The following DPP10 variants were observed in gnomAD, a reference collection of about 807,000 sequenced individuals.
The protein encoded by DPP10 is dipeptidyl peptidase like 10, also known as inactive dipeptidyl peptidase 10.
In DPP10, 33 loss-of-function variants were observed where a neutral mutation model predicts 120.9. The observed-to-expected ratio is 0.27, with a 90% CI of 0.21 to 0.37. The LOEUF is 0.37. Ranked by LOEUF, DPP10 falls within the 10% of genes least tolerant of loss-of-function variation. The probability of loss-of-function intolerance (pLI) is 1.00; values close to 1 mark genes in which losing one functional copy is unlikely to be tolerated. For missense variants in DPP10, 816 were observed against 942.8 expected (o/e 0.87, Z 1.76); for synonymous variants, 337 against 326.1 (o/e 1.03, Z -0.36).
At chr2:114,865,099 G>C (rs1029908297) in intron 1 of DPP10, among the ~76,000 whole-genome samples, 1 of 152,184 alleles carries the variant, frequency 6.6e-6, no homozygotes, top group Non-Finnish European at 1.5e-5. Flanking sequence ...GGGACATCTG[G>C]TACTATGGAA....
intron 1 of DPP10, among the ~76,000 whole-genome samples, chr2:114,714,262 C>T (rs1051891433): frequency 5.9e-5 from 9 of 151,776 alleles, no homozygotes; most frequent in African/African-American, 2.2e-4. Flanking sequence ...ATAGTGGCAG[C>T]CAAAGTTTTT....
chr2:115,343,769 A>G (rs763438300), intron 2 of DPP10, 48 bp from the exon 3 acceptor site: 2 of 1,381,496 alleles, frequency 1.4e-6, no homozygotes, highest in Non-Finnish European at 2.0e-6. Context: ...CTCCTTTTAA[A>G]AAACAAGCAT....
intron 9 of DPP10, among the ~76,000 whole-genome samples, chr2:115,743,752 A>G (rs902814875): frequency 6.7e-6 from 1 of 148,368 alleles, no homozygotes; most frequent in Non-Finnish European, 1.5e-5. Flanking sequence ...TTGACAAAAT[A>G]AGACAAATAA....
chr2:114,575,314 G>C lies in DPP10; in HGVS notation c.60+132476G>C, dbSNP rs1558896481. ...ATGTTCCCTCTATGTTGAGATGTGGGTGGCTCAGTCTCTGGGGATTATATT... is the reference window on the plus strand; with the variant it reads ...ATGTTCCCTCTATGTTGAGATGTGGCTGGCTCAGTCTCTGGGGATTATATT... On this transcript the variant is annotated intron_variant, in intron 1 of 25. Transcript: ENST00000410059. Among the ~76,000 whole-genome samples the C allele has an allele frequency of 3.3e-5, 5 of 152,230 alleles. No individual in the cohort carries two copies. In the South Asian group the frequency reaches 1.0e-3, roughly 32 times the overall value.
At chr2:115,063,752 A>G (rs897733341) in intron 1 of DPP10, among the ~76,000 whole-genome samples, 1 of 152,320 alleles carries the variant, frequency 6.6e-6, no homozygotes, top group South Asian at 2.1e-4. Flanking sequence ...CTTACACCTT[A>G]TACAAAAATT....
intron 3 of DPP10, among the ~76,000 whole-genome samples, chr2:115,387,581 A>T (rs537424146): frequency 4.5e-4 from 68 of 152,302 alleles, no homozygotes; most frequent in Admixed American, 1.6e-3. Flanking sequence ...TAAAGAAAGT[A>T]AAGATCCCAG....
chr2:114,842,160 G>A (rs1467156984), intron 1 of DPP10, among the ~76,000 whole-genome samples: 2 of 152,082 alleles, frequency 1.3e-5, no homozygotes, highest in Non-Finnish European at 2.9e-5. Flanking sequence ...CTGAGTTTCA[G>A]GGATCTTTCT....
At chr2:115,701,834 TG>T (rs1407615847) in intron 7 of DPP10, among the ~76,000 whole-genome samples, 2 of 151,998 alleles carry the variant, frequency 1.3e-5, no homozygotes, top group Non-Finnish European at 2.9e-5. Flanking sequence ...AATATGTAAA[TG>T]GCCAATAAGT....
chr2:115,232,150 A>T (rs1211153154), intron 1 of DPP10, among the ~76,000 whole-genome samples: 1 of 151,934 alleles, frequency 6.6e-6, no homozygotes, highest in Non-Finnish European at 1.5e-5. Context: ...CACACTTTCC[A>T]CCTTGGCATC....
At chr2:115,468,507 C>T in intron 3 of DPP10, 1 of 437,028 alleles carries the variant, frequency 2.3e-6, no homozygotes, top group Non-Finnish European at 4.5e-6. Context: ...CACAGATTCT[C>T]CTCTGTGCTA....
intron 1 of DPP10, among the ~76,000 whole-genome samples, chr2:114,665,789 A>G (rs1334260322): frequency 6.6e-6 from 1 of 152,218 alleles, no homozygotes; most frequent in Non-Finnish European, 1.5e-5. Context: ...GGTGTGACCC[A>G]ACCACCTTCA....
At chr2:115,703,544 C>A (rs1043036272) in intron 7 of DPP10, among the ~76,000 whole-genome samples, 2 of 151,924 alleles carry the variant, frequency 1.3e-5, no homozygotes, top group African/African-American at 4.8e-5. Context: ...ATCTGTCGGG[C>A]AGGTTGGCAG....
At chr2:114,893,986 T>G (rs1268044058) in intron 1 of DPP10, among the ~76,000 whole-genome samples, 1 of 152,160 alleles carries the variant, frequency 6.6e-6, no homozygotes, top group Non-Finnish European at 1.5e-5. Context: ...TCATGGATAT[T>G]TTTCATTTTT....
In DPP10 at chr2:115,780,906, G is replaced by A; in HGVS notation, c.1394G>A (p.Cys465Tyr). 1 of 1,603,794 alleles carries A rather than the reference G, an allele frequency of 6.2e-7. No individual in the cohort carries two copies. Among genetic ancestry groups the A allele is most frequent in the Non-Finnish European group, 8.5e-7 (1 of 1,173,398 alleles). ...ACTGAAGGATTATTGAATCGCCAATGCATTTCATGTAATTTCATGAAAGAA... is the reference window on the plus strand; with the variant it reads ...ACTGAAGGATTATTGAATCGCCAATACATTTCATGTAATTTCATGAAAGAA... The part of the protein sequence containing the change: ...ASTEGLLNRQ[C>Y]ISCNFMKEQC... Residue 465 changes from cysteine to tyrosine, a missense_variant, in exon 16 of 26, where the codon TGC (cysteine) becomes TAC (tyrosine). Cys to Tyr is a radical substitution (Grantham distance 194). Around this residue, in one of 3 missense-constraint regions of DPP10, gnomAD observed 592 missense variants for 649.0 expected, o/e 0.91. Transcript: ENST00000410059.
At chr2:114,820,954 A>T (rs1471957134) in intron 1 of DPP10, among the ~76,000 whole-genome samples, 1 of 152,222 alleles carries the variant, frequency 6.6e-6, no homozygotes, top group African/African-American at 2.4e-5. Context: ...AGATAAAACA[A>T]CATGGATACA....
chr2:115,291,449 A>AC (rs1327402230), intron 1 of DPP10, among the ~76,000 whole-genome samples: 1 of 152,104 alleles, frequency 6.6e-6, no homozygotes, highest in African/African-American at 2.4e-5. Flanking sequence ...TTTCCCCACC[A>AC]CAAATTTCCA....
At chr2:115,298,463 A>G (rs1025259037) in intron 1 of DPP10, among the ~76,000 whole-genome samples, 5 of 152,054 alleles carry the variant, frequency 3.3e-5, no homozygotes, top group Admixed American at 2.0e-4. Context: ...TCACTCCAGG[A>G]CTTAATCTGT....
chr2:115,381,585 A>G (rs1343604139), intron 3 of DPP10, among the ~76,000 whole-genome samples: 1 of 151,936 alleles, frequency 6.6e-6, no homozygotes, highest in Non-Finnish European at 1.5e-5. Flanking sequence ...GCTTTGTTCC[A>G]TTGCTGGTGA....
chr2:114,661,413 GT>G (rs910074357), intron 1 of DPP10, among the ~76,000 whole-genome samples: 2 of 152,194 alleles, frequency 1.3e-5, no homozygotes, highest in Admixed American at 1.3e-4. Flanking sequence ...GGGCACATGT[GT>G]TAATGTCACG....
Sources: allele counts gnomAD v4.1 joint callset (sites outside exome capture counted in the v4.1 genomes callset), GRCh38; gene constraint gnomAD v4.1.1; regional missense constraint gnomAD v4.1.1; transcripts MANE v1.5; gene names NCBI Gene and HGNC (gene_info 2026-07-23, HGNC 2026-07-21).